The following ARL15 variants were observed in gnomAD, a reference collection of about 807,000 sequenced individuals.
The protein encoded by ARL15 is ADP-ribosylation factor-like protein 15.
A neutral mutation model predicts 25.2 loss-of-function variants in ARL15; 19 were observed. The ratio of observed to expected loss-of-function variants is 0.75; its 90% CI spans 0.53 to 1.10. The LOEUF is 1.10. ARL15 is among the 50% of genes least tolerant of loss of function. The pLI is 0.00. For synonymous variants in ARL15, 94 were observed against 86.8 expected, an observed-to-expected ratio of 1.08 and a Z score of -0.46; for missense variants, 220 against 246.0, an observed-to-expected ratio of 0.89 and a Z score of 0.71.
At chr5:54,077,508 T>G (rs569813681) in intron 4 of ARL15, among the ~76,000 whole-genome samples, 6 of 152,132 alleles carry the variant, frequency 3.9e-5, no homozygotes, top group African/African-American at 1.2e-4. Context: ...TCCAAACAAG[T>G]GTTGAAAAGG....
intron 4 of ARL15, 156 bp downstream of exon 4, chr5:54,113,046 T>C (rs1254490358): frequency 2.9e-6 from 2 of 700,186 alleles, no homozygotes; most frequent in East Asian, 2.7e-5. Flanking sequence ...TGCTAACAGA[T>C]TGATATAGGC....
chr5:54,095,821 A>G (rs1752268306), intron 4 of ARL15, among the ~76,000 whole-genome samples: 1 of 152,188 alleles, frequency 6.6e-6, no homozygotes, highest in African/African-American at 2.4e-5. Flanking sequence ...AAAACATAAA[A>G]AAAACATCCA....
At chr5:54,302,604 G>A (rs942672386) in intron 1 of ARL15, among the ~76,000 whole-genome samples, 4 of 150,704 alleles carry the variant, frequency 2.7e-5, no homozygotes, top group African/African-American at 7.3e-5. Context: ...TGTATTTAGC[G>A]CTAGAAATCT....
chr5:53,886,845 A>T, intron 4 of ARL15, 132 bp from the exon 5 acceptor site: 2 of 806,306 alleles, frequency 2.5e-6, no homozygotes, highest in Non-Finnish European at 3.9e-6. Context: ...ACAACTTTGC[A>T]ATGTGGATGC....
intron 4 of ARL15, among the ~76,000 whole-genome samples, chr5:53,986,773 C>T (rs780135892): frequency 1.3e-5 from 2 of 152,204 alleles, no homozygotes; most frequent in Non-Finnish European, 2.9e-5. Flanking sequence ...GTATCACATT[C>T]TGTACTGGAG....
At chr5:54,009,647 C>T (rs187521096) in intron 4 of ARL15, among the ~76,000 whole-genome samples, 1 of 152,288 alleles carries the variant, frequency 6.6e-6, no homozygotes, top group African/African-American at 2.4e-5. Context: ...AGCAAACATG[C>T]AGTTGACTTT....
At chr5:54,196,929 C>T (rs556047670) in intron 1 of ARL15, among the ~76,000 whole-genome samples, 1 of 152,162 alleles carries the variant, frequency 6.6e-6, no homozygotes, top group African/African-American at 2.4e-5. Flanking sequence ...AGTGCCACTG[C>T]ATTTTCATTC....
intron 4 of ARL15, among the ~76,000 whole-genome samples, chr5:53,906,421 A>T (rs3776741): frequency 1.3e-5 from 2 of 152,228 alleles, no homozygotes; most frequent in East Asian, 3.9e-4. Flanking sequence ...GATATGGTTT[A>T]CCTCCTACAA....
intron 4 of ARL15, among the ~76,000 whole-genome samples, chr5:53,887,842 G>A (rs751292161): frequency 2.6e-5 from 4 of 152,052 alleles, no homozygotes; most frequent in South Asian, 2.1e-4. Flanking sequence ...GCTCAAATAC[G>A]GTTTTATTTT....
Position 54,065,611 on chromosome 5 carries a change from T to A in ARL15, c.462+47591A>T, listed in dbSNP as rs183168225. 1.2e-4 allele frequency among the ~76,000 whole-genome samples: 14 copies of A among 113,718 alleles called. No individual in the cohort carries two copies. In the East Asian group the frequency reaches 3.2e-3, roughly 26 times the overall value. 74.6% of individuals were successfully genotyped at this position (113,718 alleles called of 152,430 possible). ...AACCCAGGAGGTGGGGTGGTTGCAG[T>A]GAGCCGAGATCACGCCACTGCACTG... is the stretch of plus-strand genomic sequence containing the variant. On this transcript the variant is annotated intron_variant, in intron 4 of 4. Coordinates refer to ENST00000504924, the MANE Select transcript of ARL15 (RefSeq NM_019087.3).
intron 4 of ARL15, among the ~76,000 whole-genome samples, chr5:53,896,773 G>A (rs547274332): frequency 6.6e-6 from 1 of 152,272 alleles, no homozygotes; most frequent in East Asian, 1.9e-4. Context: ...TGGGATTACA[G>A]GTTGTGAGCC....
At chr5:54,136,960 T>C (rs1164813381) in intron 3 of ARL15, among the ~76,000 whole-genome samples, 1 of 152,010 alleles carries the variant, frequency 6.6e-6, no homozygotes, top group African/African-American at 2.4e-5. Flanking sequence ...TGCCTGCCAG[T>C]TGCACAGCTC....
chr5:54,243,223 C>T (rs969543583), intron 1 of ARL15, among the ~76,000 whole-genome samples: 2 of 152,150 alleles, frequency 1.3e-5, no homozygotes, highest in South Asian at 4.1e-4. Flanking sequence ...ATGAAACTGT[C>T]CTGGTAGTAT....
chr5:54,186,274 C>T (rs1368301429), intron 1 of ARL15, among the ~76,000 whole-genome samples: 1 of 152,180 alleles, frequency 6.6e-6, no homozygotes, highest in Non-Finnish European at 1.5e-5. Flanking sequence ...GAGCAAAATG[C>T]TATCTCGCCT....
At chr5:54,044,240 A>ATTTT (rs1196537602) in intron 4 of ARL15, among the ~76,000 whole-genome samples, 5 of 128,710 alleles carry the variant, frequency 3.9e-5, no homozygotes, top group African/African-American at 5.9e-5. Flanking sequence ...CCATTATTTA[A>ATTTT]TTTTTTTTTT....
rs373445503 is a variant in ARL15, at chr5:54,216,634, T to TACAC, written c.49-44710_49-44707dup. Among the ~76,000 whole-genome samples, 1,402 of 150,436 alleles carry TACAC rather than the reference T, an allele frequency of 9.3e-3. 23 individuals are homozygous for TACAC. The highest frequency in any genetic ancestry group is 0.03 in the African/African-American group (1,238 of 41,092). On this transcript the variant is annotated intron_variant, in intron 1 of 4. Coordinates refer to ENST00000504924, the MANE Select transcript of ARL15 (RefSeq NM_019087.3). ...TTATGGGTATATGTATATGTATGTG[T>TACAC]ACACACACACACACACACACCTAAT...
intron 4 of ARL15, among the ~76,000 whole-genome samples, chr5:53,989,049 T>C (rs555975122): frequency 1.3e-5 from 2 of 152,264 alleles, no homozygotes; most frequent in East Asian, 3.9e-4. Flanking sequence ...CTTGCAGATA[T>C]AACAGGATTT....
intron 4 of ARL15, among the ~76,000 whole-genome samples, chr5:54,055,352 CTTTTTTTTTTTT>C (rs147040538): frequency 7.2e-5 from 4 of 55,360 alleles, no homozygotes; most frequent in Admixed American, 2.7e-4. Context: ...ATCATCATTC[CTTTTTTTTTTTT>C]TTTTTTTTTT....
chr5:53,936,356 A>G (rs1195317589), intron 4 of ARL15, among the ~76,000 whole-genome samples: 2 of 152,200 alleles, frequency 1.3e-5, no homozygotes, highest in Non-Finnish European at 2.9e-5. Context: ...AGTTTAAACA[A>G]TTTGCTCAAG....
Sources: gnomAD v4.1 joint callset for allele counts (sites outside exome capture counted in the v4.1 genomes callset) on GRCh38, gnomAD v4.1.1 for gene constraint, MANE v1.5 for transcripts, NCBI Gene and HGNC (gene_info 2026-07-23, HGNC 2026-07-21) for gene names.